The following CCDC82 variants were observed in gnomAD, a reference collection of about 807,000 sequenced individuals.
CCDC82 encodes coiled-coil domain containing 82.
Under a neutral mutation model 60.6 loss-of-function variants are expected in CCDC82, and 47 were observed. That is an observed-to-expected ratio of 0.77 (90% CI 0.61 to 0.99). The LOEUF (loss-of-function observed/expected upper bound fraction) is 0.99. Ranked by LOEUF, CCDC82 falls within the 50% of genes least tolerant of loss-of-function variation. CCDC82 has a pLI of 0.00. For missense variants in CCDC82, 588 were observed against 633.0 expected (o/e 0.93, Z 0.76); for synonymous variants, 212 against 207.4 (o/e 1.02, Z -0.19).
chr11:96,358,268 T>C (rs1864449320), intron 9 of CCDC82: 1 of 1,099,056 alleles, frequency 9.1e-7, no homozygotes, highest in South Asian at 4.5e-5. Context: ...AGACTTGTTT[T>C]AGAAGACTGC....
At position 96,359,022 on chromosome 11, in the gene CCDC82, G is replaced by A. The variant is rs140072300; in HGVS notation, c.1537C>T (p.Arg513Trp). 176 of 1,607,086 alleles carry A rather than the reference G, an allele frequency of 1.1e-4. 1 individual carries two copies. Among genetic ancestry groups the A allele is most frequent in the Admixed American group, 6.3e-4 (37 of 58,518 alleles). Reference sequence around the variant, plus strand: ...TTAATCCAGCCATTTTCTTTTGACCGCCTGAAAATTCTTTCCACTGTTTCT... The same window carrying A: ...TTAATCCAGCCATTTTCTTTTGACCACCTGAAAATTCTTTCCACTGTTTCT... ...VKETVERIFR[R>W]SKENGWIKEK... Residue 513 changes from arginine (R) to tryptophan (W), a missense_variant, in exon 9 of 10, where the codon CGG (arginine) becomes TGG (tryptophan). Coordinates refer to ENST00000646818, the MANE Select transcript of CCDC82 (RefSeq NM_024725.4).
intron 1 of CCDC82, chr11:96,388,169 C>T: frequency 6.6e-6 from 1 of 152,160 alleles, no homozygotes; most frequent in East Asian, 1.9e-4. Context: ...ACTATATTAG[C>T]TGGGAAGGGA....
At chr11:96,365,791 G>A (rs1441581543) in intron 7 of CCDC82, among the ~76,000 whole-genome samples, 2 of 152,144 alleles carry the variant, frequency 1.3e-5, no homozygotes, top group Admixed American at 6.5e-5. Context: ...TTGTGCCTGA[G>A]TATTTCTGCT....
intron 1 of CCDC82, chr11:96,389,548 G>A (rs1008811153): frequency 5.3e-5 from 8 of 152,274 alleles, no homozygotes; most frequent in African/African-American, 1.7e-4. Context: ...CAATTACAAG[G>A]GTCTGGAAAG....
chr11:96,387,487 G>A (rs936383872), intron 2 of CCDC82, 43 bp downstream of exon 2: 1 of 152,158 alleles, frequency 6.6e-6, no homozygotes, highest in Non-Finnish European at 1.5e-5. Flanking sequence ...CTATTTTTAT[G>A]TGTAAATATC....
intron 2 of CCDC82, chr11:96,387,056 G>C (rs983524202): frequency 2.0e-5 from 3 of 152,246 alleles, no homozygotes; most frequent in African/African-American, 7.2e-5. Context: ...TAAGCTAAGT[G>C]TGCATATGTG....
At chr11:96,367,426 T>C (rs1865006023) in intron 7 of CCDC82, among the ~76,000 whole-genome samples, 1 of 152,246 alleles carries the variant, frequency 6.6e-6, no homozygotes, top group Non-Finnish European at 1.5e-5. Flanking sequence ...TATCTTTCCT[T>C]TCCTAGGAGT....
chr11:96,366,290 TGTTA>T (rs1864943224), intron 7 of CCDC82, among the ~76,000 whole-genome samples: 1 of 152,230 alleles, frequency 6.6e-6, no homozygotes. Flanking sequence ...TTATTTTGTT[TGTTA>T]GTTATATTCT....
intron 7 of CCDC82, among the ~76,000 whole-genome samples, chr11:96,369,349 G>C (rs1686159145): frequency 6.6e-6 from 1 of 152,200 alleles, no homozygotes; most frequent in African/African-American, 2.4e-5. Flanking sequence ...CAGCCTATCT[G>C]AACTTTTGAC....
chr11:96,359,291 AAT>A, intron 8 of CCDC82, 113 bp from the exon 9 acceptor site: 1 of 818,530 alleles, frequency 1.2e-6, no homozygotes, highest in Non-Finnish European at 1.8e-6. Flanking sequence ...GTGTTTACAC[AAT>A]GATTCCTTTA....
intron 8 of CCDC82, chr11:96,363,433 A>G (rs1018776860): frequency 6.6e-6 from 1 of 152,220 alleles, no homozygotes; most frequent in Non-Finnish European, 1.5e-5. Flanking sequence ...AAAAAATTTA[A>G]TCACACTCTC....
At chr11:96,386,476 G>A (rs1468866621) in intron 2 of CCDC82, 183 bp from the exon 3 acceptor site, 1 of 152,122 alleles carries the variant, frequency 6.6e-6, no homozygotes, top group Non-Finnish European at 1.5e-5. Flanking sequence ...TTTTTTAAGA[G>A]ATAGGTCTTG....
intron 1 of CCDC82, 114 bp downstream of exon 1, chr11:96,389,728 TTC>T (rs1491181769): frequency 1.3e-5 from 2 of 152,588 alleles, no homozygotes; most frequent in Admixed American, 6.5e-5. Context: ...GCGGGAATTT[TTC>T]TCTTAGTCCG....
chr11:96,371,508 G>C lies in CCDC82; in HGVS notation c.1085-371C>G, dbSNP rs1450448616. Among the ~76,000 whole-genome samples, 5 of 152,326 alleles carry C rather than the reference G, an allele frequency of 3.3e-5. No homozygotes were observed. In the East Asian group the frequency reaches 7.7e-4, roughly 24 times the overall value. On this transcript the variant is annotated intron_variant, in intron 6 of 9. Coordinates refer to ENST00000646818, the MANE Select transcript of CCDC82 (RefSeq NM_024725.4). ...GAGGCAGGAGAATGGTGTGAACCCG[G>C]GAGGGGGAGCTTATAGTGAGCTGAG...
chr11:96,368,615 C>T (rs146691921), intron 7 of CCDC82, among the ~76,000 whole-genome samples: 5 of 152,228 alleles, frequency 3.3e-5, no homozygotes, highest in African/African-American at 1.2e-4. Flanking sequence ...GTCCGTAATC[C>T]CAGCACTTTG....
chr11:96,375,517 T>G (rs1265101584), intron 5 of CCDC82, among the ~76,000 whole-genome samples: 3 of 152,186 alleles, frequency 2.0e-5, no homozygotes, highest in Non-Finnish European at 4.4e-5. Flanking sequence ...AAAAATAATA[T>G]TACTGAGCAA....
rs574290778 is a variant in CCDC82 at position 96,365,494 on chromosome 11, T to C, written c.1210-344A>G. ...AAATAGGAGCAGCAAAAATGTAGGA[T>C]GATATAAGAAAAATAATTCCAAGTA... is the stretch of plus-strand genomic sequence containing the variant. On this transcript the variant is annotated intron_variant, in intron 7 of 9. Coordinates refer to ENST00000646818, the MANE Select transcript of CCDC82 (RefSeq NM_024725.4). Among the ~76,000 whole-genome samples the C allele has an allele frequency of 7.9e-5, 12 of 152,200 alleles. 1 individual carries two copies. The South Asian group carries it at 2.3e-3, about 29-fold the overall frequency.
chr11:96,383,915 A>AG (rs1456215955), intron 4 of CCDC82, 47 bp downstream of exon 4: 19 of 1,518,744 alleles, frequency 1.3e-5, no homozygotes, highest in Non-Finnish European at 1.5e-5. Flanking sequence ...AAATACTTTA[A>AG]GAAAAAAACT....
rs75833592 is a variant in CCDC82 at position 96,374,165 on chromosome 11, A to C, written c.992-698T>G. On this transcript the variant is annotated intron_variant, in intron 5 of 9. Coordinates refer to ENST00000646818, the MANE Select transcript of CCDC82 (RefSeq NM_024725.4). ...AAATGTTCTCTATCAACCACGACCC[A>C]TTCCTTGATCCAACAGTCACTGTAG... Among the ~76,000 whole-genome samples, 1,355 of 152,326 alleles carry C rather than the reference A, an allele frequency of 8.9e-3. 19 individuals carry two copies. The highest frequency in any genetic ancestry group is 0.034 in the Admixed American group (527 of 15,304).
Sources: gnomAD v4.1 joint callset for allele counts (sites outside exome capture counted in the v4.1 genomes callset) on GRCh38, gnomAD v4.1.1 for gene constraint, MANE v1.5 for transcripts, NCBI Gene and HGNC (gene_info 2026-07-23, HGNC 2026-07-21) for gene names.